Variants in SP110 observed in about 807,000 individuals in gnomAD.
The protein encoded by SP110 is interferon-induced protein 41, 30kD.
Under a neutral mutation model 92.7 loss-of-function variants are expected in SP110, and 62 were observed. The observed-to-expected ratio is 0.67, with a 90% CI of 0.55 to 0.83. The LOEUF is 0.83. Ranked by LOEUF, SP110 falls within the 40% of genes least tolerant of loss-of-function variation. The pLI is 0.00. For missense variants in SP110, 793 were observed against 863.9 expected, an observed-to-expected ratio of 0.92 and a Z score of 1.03; for synonymous variants, 273 against 305.3, an observed-to-expected ratio of 0.89 and a Z score of 1.10.
At chr2:230,198,942 T>C (rs936205193) in intron 10 of SP110, among the ~76,000 whole-genome samples, 1 of 152,016 alleles carries the variant, frequency 6.6e-6, no homozygotes. Context: ...TGCCCTTCTT[T>C]GACTTTGCCA....
chr2:230,215,845 C>T lies in SP110; in HGVS notation c.148-727G>A, dbSNP rs9967748. On this transcript the variant is annotated intron_variant, in intron 2 of 18. Coordinates refer to ENST00000258381, the MANE Select transcript of SP110 (RefSeq NM_080424.4). ...CCATTTACAATTGAGAGTAGTGTTACGGAGGGAAAGCATAGATTGCTATGG... is the reference window on the plus strand; with the variant it reads ...CCATTTACAATTGAGAGTAGTGTTATGGAGGGAAAGCATAGATTGCTATGG... 7.1e-3 allele frequency among the ~76,000 whole-genome samples: 1,078 copies of T among 152,104 alleles called. 12 individuals carry two copies. Among genetic ancestry groups the T allele is most frequent in the African/African-American group, 0.024 (1,001 of 41,472 alleles).
intron 13 of SP110, 64 bp from the exon 14 acceptor site, chr2:230,177,744 C>T: frequency 2.6e-6 from 4 of 1,565,584 alleles, no homozygotes; most frequent in Non-Finnish European, 3.5e-6. Context: ...TGAACCTCTT[C>T]ATCCTAATTG....
rs188017658 is a variant in SP110, at chr2:230,200,171, A to G, written c.1129+714T>C. On this transcript the variant is annotated intron_variant, in intron 10 of 18. Transcript: ENST00000258381. Reference sequence around the variant, plus strand: ...AAAATTTAATCCATTTTTCCTGACAATAATTAGATATTTGTTGTTTGAAAA... The same window carrying G: ...AAAATTTAATCCATTTTTCCTGACAGTAATTAGATATTTGTTGTTTGAAAA... Among the ~76,000 whole-genome samples the G allele has an allele frequency of 3.3e-5, 5 of 152,318 alleles. No homozygotes were observed. The East Asian group carries it at 7.7e-4, about 23-fold the overall frequency.
intron 9 of SP110, among the ~76,000 whole-genome samples, chr2:230,201,403 C>T (rs2043172930): frequency 6.6e-6 from 1 of 152,184 alleles, no homozygotes; most frequent in South Asian, 2.1e-4. Context: ...ACTGCTGGTG[C>T]CTTAAGACAC....
upstream of SP110, among the ~76,000 whole-genome samples, chr2:230,222,654 G>A (rs2045916649): frequency 1.3e-5 from 2 of 151,174 alleles, no homozygotes; most frequent in South Asian, 2.1e-4. Flanking sequence ...AGCCCAGGAG[G>A]TCCAGTCTCT....
intron 10 of SP110, among the ~76,000 whole-genome samples, chr2:230,194,754 T>C (rs2042787738): frequency 6.6e-6 from 1 of 152,236 alleles, no homozygotes; most frequent in Non-Finnish European, 1.5e-5. Flanking sequence ...TCTTCTGGGC[T>C]CTGACCCTAG....
intron 10 of SP110, among the ~76,000 whole-genome samples, chr2:230,188,512 T>C (rs755550824): frequency 3.3e-5 from 5 of 152,200 alleles, no homozygotes; most frequent in Non-Finnish European, 5.9e-5. Flanking sequence ...GGCTAGGACT[T>C]CTAGTACTAT....
At chr2:230,175,112 A>G (rs1259319299) in intron 14 of SP110, among the ~76,000 whole-genome samples, 4 of 152,208 alleles carry the variant, frequency 2.6e-5, no homozygotes, top group African/African-American at 9.6e-5. Context: ...TAAAGGTATA[A>G]TACAGAAGGC....
chr2:230,184,702 C>CAA (rs34261579), intron 11 of SP110, among the ~76,000 whole-genome samples: 75 of 151,348 alleles, frequency 5.0e-4, no homozygotes, highest in African/African-American at 1.5e-3. Context: ...ACGGATTTAA[C>CAA]AAAAAAAAAT....
At chr2:230,176,442 C>T in intron 14 of SP110, 1 of 1,414,482 alleles carries the variant, frequency 7.1e-7, no homozygotes, top group Non-Finnish European at 9.2e-7. Context: ...ATCCAAATAT[C>T]CAGATCTTTT....
intron 1 of SP110, among the ~76,000 whole-genome samples, chr2:230,217,415 T>A (rs1473028991): frequency 9.9e-5 from 15 of 152,042 alleles, no homozygotes; most frequent in Non-Finnish European, 2.9e-5. Flanking sequence ...ACAAGGACAA[T>A]TCCCAGCAAC....
At chr2:230,212,622 T>G in intron 4 of SP110, 139 bp downstream of exon 4, 1 of 1,243,484 alleles carries the variant, frequency 8.0e-7, no homozygotes, top group Admixed American at 1.7e-5. Context: ...TAATCCCTCT[T>G]GAAAAGGGTT....
intron 1 of SP110, among the ~76,000 whole-genome samples, chr2:230,217,750 G>A (rs1415333177): frequency 1.3e-5 from 2 of 152,148 alleles, no homozygotes; most frequent in Non-Finnish European, 2.9e-5. Flanking sequence ...GTGTTCTATG[G>A]CCACACTGAT....
Position 230,211,535 on chromosome 2 carries a change from A to C in SP110, c.686T>G (p.Ile229Ser). Reference sequence around the variant, plus strand: ...GTCTTCTTTATCTCTTATTTGGGGGATCAGGTTGTCACTGGCCACTGAATG... The same window carrying C: ...GTCTTCTTTATCTCTTATTTGGGGGCTCAGGTTGTCACTGGCCACTGAATG... The part of the protein sequence containing the change: ...STVQVASDNL[I>S]PQIRDKEDPQ... Residue 229 changes from isoleucine (I) to serine (S), a missense_variant, in exon 6 of 19, where the codon ATC (isoleucine) becomes AGC (serine). Transcript: ENST00000258381. This position sits in a 1 kb window ranked among gnomAD's most constrained non-coding sequence, Gnocchi z 4.2. 2 of 1,610,076 alleles carry C rather than the reference A, an allele frequency of 1.2e-6. No individual in the cohort carries two copies. Among genetic ancestry groups the C allele is most frequent in the Non-Finnish European group, 1.7e-6 (2 of 1,176,366 alleles).
intron 10 of SP110, among the ~76,000 whole-genome samples, chr2:230,189,605 T>A (rs2042516926): frequency 6.6e-6 from 1 of 152,162 alleles, no homozygotes; most frequent in Non-Finnish European, 1.5e-5. Context: ...GGGACACACG[T>A]GCAGAACATG....
rs557245229 is a variant in SP110, at chr2:230,199,507, C to T, written c.1129+1378G>A. 3.3e-5 allele frequency among the ~76,000 whole-genome samples: 5 copies of T among 152,016 alleles called. No homozygotes were observed. In the East Asian group the frequency reaches 7.7e-4, roughly 24 times the overall value. ...TATAGGCATGAGCCACTGTGCTGGG[C>T]CAGCAACATAATCCTAATGGTGACA... On this transcript the variant is annotated intron_variant, in intron 10 of 18. Coordinates refer to ENST00000258381, the MANE Select transcript of SP110 (RefSeq NM_080424.4).
chr2:230,176,791 T>C, intron 14 of SP110: 1 of 1,506,366 alleles, frequency 6.6e-7, no homozygotes, highest in South Asian at 1.1e-5. Flanking sequence ...ATACTGGCCT[T>C]CCCACTTCCT....
upstream of SP110, among the ~76,000 whole-genome samples, chr2:230,223,156 C>G (rs2045963106): frequency 1.3e-5 from 2 of 151,992 alleles, no homozygotes; most frequent in Admixed American, 6.6e-5. Flanking sequence ...CTTTCCTCAG[C>G]CTCCTGAGTA....
intron 8 of SP110, 121 bp downstream of exon 8, chr2:230,207,870 C>T (rs781368568): frequency 2.9e-6 from 2 of 682,304 alleles, no homozygotes; most frequent in Non-Finnish European, 5.3e-6. Context: ...ACTTCACTGA[C>T]TAAATCTCTT....
Sources: gnomAD v4.1 joint callset for allele counts (sites outside exome capture counted in the v4.1 genomes callset) on GRCh38, gnomAD v4.1.1 for gene constraint, Gnocchi (gnomAD v3.1) non-coding constraint, MANE v1.5 for transcripts, NCBI Gene and HGNC (gene_info 2026-07-23, HGNC 2026-07-21) for gene names.